The following RNF19B variants were observed in gnomAD, a reference collection of about 807,000 sequenced individuals.
RNF19B encodes E3 ubiquitin-protein ligase RNF19B.
In RNF19B, 23 loss-of-function variants were observed where a neutral mutation model predicts 65.5. That is an observed-to-expected ratio of 0.35 (90% CI 0.25 to 0.50). RNF19B has a LOEUF of 0.50. RNF19B is among the 20% of genes least tolerant of loss of function. The pLI is 0.98. For synonymous variants in RNF19B, 372 were observed against 379.6 expected, an observed-to-expected ratio of 0.98 and a Z score of 0.23; for missense variants, 794 against 980.0, an observed-to-expected ratio of 0.81 and a Z score of 2.53.
Position 32,955,912 on chromosome 1 carries a change from G to A in RNF19B, c.636-6138C>T, listed in dbSNP as rs559101589. On this transcript the variant is annotated intron_variant, in intron 1 of 8. Coordinates refer to ENST00000235150, the MANE Select transcript of RNF19B (RefSeq NM_001300826.2). ...TTGCTAATCAGAAGCTAAAAGAAAG[G>A]TGTAGAAAATTACATGCTGTGAAGA... 2.0e-5 allele frequency among the ~76,000 whole-genome samples: 3 copies of A among 152,258 alleles called. No homozygotes were observed. The East Asian group carries it at 5.8e-4, about 29-fold the overall frequency.
chr1:32,951,900 T>C lies in RNF19B; in HGVS notation c.636-2126A>G, dbSNP rs1302835670. On this transcript the variant is annotated intron_variant, in intron 1 of 8. Coordinates refer to ENST00000235150, the MANE Select transcript of RNF19B (RefSeq NM_001300826.2). ...GCAATCTTCTCCCAAATTCAAGTGA[T>C]TCTCCTGCCTCAGCCTCCCGAGTAG... Among the ~76,000 whole-genome samples the C allele has an allele frequency of 3.3e-5, 5 of 151,492 alleles. No individual in the cohort carries two copies. In the East Asian group the frequency reaches 5.8e-4, roughly 18 times the overall value.
chr1:32,940,231 G>T lies in RNF19B; in HGVS notation c.1611-1703C>A, dbSNP rs146413113. ...CTACTTAGGTGGTTGTCAGATGCTGGTTCATGCAACGGCTGTGCTAGAATT... is the reference window on the plus strand; with the variant it reads ...CTACTTAGGTGGTTGTCAGATGCTGTTTCATGCAACGGCTGTGCTAGAATT... On this transcript the variant is annotated intron_variant, in intron 7 of 8. Transcript: ENST00000235150. Among the ~76,000 whole-genome samples the T allele has an allele frequency of 2.4e-3, 370 of 152,332 alleles. 7 individuals are homozygous for T. The highest frequency in any genetic ancestry group is 1.6e-3 in the Non-Finnish European group (108 of 68,032).
intron 1 of RNF19B, among the ~76,000 whole-genome samples, chr1:32,953,894 CCCA>C (rs1383112873): frequency 2.7e-5 from 4 of 150,654 alleles, no homozygotes; most frequent in Admixed American, 6.7e-5. Context: ...TCCCCCAGCC[CCCA>C]CTTCTTTTTT....
At chr1:32,940,077 C>T (rs1490543796) in intron 7 of RNF19B, among the ~76,000 whole-genome samples, 2 of 152,160 alleles carry the variant, frequency 1.3e-5, no homozygotes, top group Admixed American at 1.3e-4. Flanking sequence ...AGGTGCCCTT[C>T]AAAAATGTGC....
Position 32,942,419 on chromosome 1 carries a change from C to T in RNF19B, c.1443G>A (p.Gly481=), listed in dbSNP as rs139573150. The part of the protein sequence containing the change: ...AWRALKNPSI[G]ESSIEGLTSV... ...TAGTCAGGCCTTCAATGCTGCTTTC[C>T]CCAATGCTGGGATTCTTGAGGGCTC... Residue 481 remains glycine, a synonymous_variant, in exon 7 of 9, where the codon GGG becomes GGA. Transcript: ENST00000235150. The T allele has an allele frequency of 1.9e-6, 3 of 1,614,054 alleles. No individual in the cohort carries two copies. Among genetic ancestry groups the T allele is most frequent in the Admixed American group, 3.3e-5 (2 of 60,002 alleles).
intron 1 of RNF19B, among the ~76,000 whole-genome samples, chr1:32,956,756 G>A (rs1642648305): frequency 6.6e-6 from 1 of 152,026 alleles, no homozygotes; most frequent in South Asian, 2.1e-4. Flanking sequence ...ATTTCCATTA[G>A]TATAAATTTG....
At chr1:32,959,626 T>C (rs1313743336) in intron 1 of RNF19B, among the ~76,000 whole-genome samples, 1 of 152,198 alleles carries the variant, frequency 6.6e-6, no homozygotes, top group Non-Finnish European at 1.5e-5. Flanking sequence ...AATGAGATTA[T>C]AGTCTGAAGA....
intron 1 of RNF19B, among the ~76,000 whole-genome samples, chr1:32,963,082 A>T (rs993983720): frequency 6.6e-6 from 1 of 152,200 alleles, no homozygotes; most frequent in African/African-American, 2.4e-5. Context: ...TTCTCCTATC[A>T]CACCAACCTC....
intron 3 of RNF19B, 105 bp downstream of exon 3, chr1:32,948,117 C>T: frequency 8.1e-7 from 1 of 1,238,390 alleles, no homozygotes; most frequent in Non-Finnish European, 1.1e-6. Context: ...TTCACAGCTT[C>T]CTTAAACCTG....
At chr1:32,938,153 A>AAAAAAAAAAAAAAAAAC in intron 8 of RNF19B, among the ~76,000 whole-genome samples, 1 of 151,082 alleles carries the variant, frequency 6.6e-6, no homozygotes, top group Non-Finnish European at 1.5e-5. Flanking sequence ...AAAAAAAAAA[A>AAAAAAAAAAAAAAAAAC]AAAAAAAGAA....
chr1:32,937,342 T>C (rs755564304), intron 8 of RNF19B, 83 bp from the exon 9 acceptor site: 4 of 1,601,136 alleles, frequency 2.5e-6, no homozygotes, highest in Admixed American at 3.4e-5. Flanking sequence ...GGTTCAGGAT[T>C]AGGAATTTCA....
intron 6 of RNF19B, 29 bp downstream of exon 6, chr1:32,943,990 C>T (rs1364787787): frequency 6.3e-7 from 1 of 1,583,570 alleles, no homozygotes; most frequent in Non-Finnish European, 8.6e-7. Flanking sequence ...ATCATAAATT[C>T]AAATGGAAAT....
In RNF19B at chr1:32,937,241, T is replaced by A; in HGVS notation, c.1761A>T (p.Glu587Asp). Residue 587 changes from glutamate (E) to aspartate (D), a missense_variant, in exon 9 of 9, where the codon GAA becomes GAT. Transcript: ENST00000235150. ...NPQDRECNNM[E>D]IQVDIEAKPS... ...GTTTGGCTTCAATGTCCACTTGGATTTCCATATTGTTGCATTCTCTGTGGA... is the reference window on the plus strand; with the variant it reads ...GTTTGGCTTCAATGTCCACTTGGATATCCATATTGTTGCATTCTCTGTGGA... The A allele has an allele frequency of 1.2e-6, 2 of 1,614,038 alleles. No homozygotes were observed. Among genetic ancestry groups the A allele is most frequent in the South Asian group, 2.2e-5 (2 of 91,078 alleles).
At chr1:32,934,066 C>G (rs1642060650), downstream of RNF19B, among the ~76,000 whole-genome samples, 1 of 152,208 alleles carries the variant, frequency 6.6e-6, no homozygotes, top group African/African-American at 2.4e-5. Flanking sequence ...CTTTTTCCAA[C>G]AAGTTCTCTT....
rs1022857198 is a variant in RNF19B, at chr1:32,936,615, A to C, written c.*191T>G. On this transcript the variant is annotated 3_prime_UTR_variant, in exon 9 of 9. Transcript: ENST00000235150. ...AGAGGGAGGGGAGGGGAGGGGAACT[A>C]ACGGCAAACTTTTCATGTTTTATCT... The C allele has an allele frequency of 3.6e-6, 2 of 560,194 alleles. No homozygotes were observed. Among genetic ancestry groups the C allele is most frequent in the African/African-American group, 3.8e-5 (2 of 52,642 alleles). 34.7% of individuals were successfully genotyped at this position (560,194 alleles called of 1,614,324 possible).
At position 32,946,518 on chromosome 1, in the gene RNF19B, T is replaced by G; in HGVS notation, c.1030A>C (p.Lys344Gln). ...FWGKKPWSRK[K>Q]KILWQLGTLI... Reference sequence around the variant, plus strand: ...GTGCCCAGCTGCCAAAGAATTTTCTTCTTACGGCTCCATGGCTTCTTGCCC... The same window carrying G: ...GTGCCCAGCTGCCAAAGAATTTTCTGCTTACGGCTCCATGGCTTCTTGCCC... Residue 344 changes from lysine to glutamine, a missense_variant, in exon 4 of 9, where the codon AAG becomes CAG. By Grantham distance (53) the Lys-to-Gln change is moderately conservative. Around this residue, in one of 3 missense-constraint regions of RNF19B, gnomAD observed 52 missense variants for 108.8 expected, o/e 0.48. Coordinates refer to ENST00000235150, the MANE Select transcript of RNF19B (RefSeq NM_001300826.2). 6.2e-7 allele frequency: 1 copy of G among 1,614,178 alleles called. No homozygotes were observed. Among genetic ancestry groups the G allele is most frequent in the Non-Finnish European group, 8.5e-7 (1 of 1,180,020 alleles).
At chr1:32,932,995 AAGG>A (rs1343778139), downstream of RNF19B, among the ~76,000 whole-genome samples, 1 of 152,176 alleles carries the variant, frequency 6.6e-6, no homozygotes, top group East Asian at 1.9e-4. Context: ...GAACCTTATC[AAGG>A]AGGACCAACC....
chr1:32,954,049 C>G (rs1373913406), intron 1 of RNF19B, among the ~76,000 whole-genome samples: 2 of 151,344 alleles, frequency 1.3e-5, no homozygotes, highest in Non-Finnish European at 3.0e-5. Flanking sequence ...GCTGGGCTTA[C>G]AGGCGCCCGC....
chr1:32,957,561 T>C (rs969883360), intron 1 of RNF19B, among the ~76,000 whole-genome samples: 1 of 152,118 alleles, frequency 6.6e-6, no homozygotes, highest in Non-Finnish European at 1.5e-5. Context: ...AAGCCAGGTG[T>C]GGTGGCTCAC....
Sources: gnomAD v4.1 joint callset for allele counts (sites outside exome capture counted in the v4.1 genomes callset) on GRCh38, gnomAD v4.1.1 for gene constraint, gnomAD v4.1.1 regional missense constraint, MANE v1.5 for transcripts, NCBI Gene and HGNC (gene_info 2026-07-23, HGNC 2026-07-21) for gene names.